Variants in MACROD2 observed in about 807,000 individuals in gnomAD.
MACROD2 encodes mono-ADP ribosylhydrolase 2, also known as ADP-ribose glycohydrolase MACROD2.
Under a neutral mutation model 70.4 loss-of-function variants are expected in MACROD2, and 36 were observed. The ratio of observed to expected loss-of-function variants is 0.51; its 90% CI spans 0.39 to 0.68. MACROD2 has a LOEUF of 0.68. Among genes scored for constraint, MACROD2 ranks in the 30% least tolerant of loss-of-function variants. The pLI is 0.00. For missense variants in MACROD2, 496 were observed against 538.4 expected (o/e 0.92, Z 0.78); for synonymous variants, 172 against 178.8 (o/e 0.96, Z 0.30).
At chr20:14,104,082 G>T (rs761467819) in intron 3 of MACROD2, among the ~76,000 whole-genome samples, 11 of 151,942 alleles carry the variant, frequency 7.2e-5, no homozygotes, top group Non-Finnish European at 1.5e-4. Flanking sequence ...TCTATGGAAA[G>T]GTTAAATTAA....
chr20:14,587,448 C>T (rs1440901937), intron 4 of MACROD2, among the ~76,000 whole-genome samples: 2 of 151,700 alleles, frequency 1.3e-5, no homozygotes, highest in Non-Finnish European at 3.0e-5. Context: ...AGCAGCATAT[C>T]ACTAAATAGG....
intron 5 of MACROD2, among the ~76,000 whole-genome samples, chr20:14,699,748 A>G (rs988776836): frequency 7.2e-5 from 11 of 152,132 alleles, no homozygotes; most frequent in Admixed American, 6.6e-4. Context: ...AACTTTTATC[A>G]CAGAACTTTA....
chr20:14,195,551 G>A (rs1027682604), intron 3 of MACROD2, among the ~76,000 whole-genome samples: 1 of 151,736 alleles, frequency 6.6e-6, no homozygotes, highest in African/African-American at 2.4e-5. Flanking sequence ...GGTCTGCCAC[G>A]CCCGCATCCT....
At chr20:16,035,713 CA>C (rs1456571474) in intron 15 of MACROD2, among the ~76,000 whole-genome samples, 1 of 151,970 alleles carries the variant, frequency 6.6e-6, no homozygotes, top group Non-Finnish European at 1.5e-5. Flanking sequence ...GGATTTAGAA[CA>C]GTTGTCTGTT....
intron 5 of MACROD2, among the ~76,000 whole-genome samples, chr20:14,964,530 G>A (rs758390330): frequency 1.3e-5 from 2 of 151,694 alleles, no homozygotes; most frequent in South Asian, 2.1e-4. Context: ...CCGAGATCGC[G>A]CCACTGCACT....
chr20:14,369,278 G>T (rs1234613551), intron 3 of MACROD2, among the ~76,000 whole-genome samples: 6 of 123,496 alleles, frequency 4.9e-5, no homozygotes, highest in African/African-American at 1.7e-4. Context: ...TTCCCATACA[G>T]GTTATAGCAA....
intron 5 of MACROD2, among the ~76,000 whole-genome samples, chr20:15,170,507 C>A (rs2076415411): frequency 6.6e-6 from 1 of 152,142 alleles, no homozygotes; most frequent in Admixed American, 6.5e-5. Context: ...TGGTAGTCAG[C>A]AGCCCTAGAG....
intron 8 of MACROD2, among the ~76,000 whole-genome samples, chr20:15,771,421 G>A (rs2051624359): frequency 6.6e-6 from 1 of 151,488 alleles, no homozygotes; most frequent in Admixed American, 6.6e-5. Flanking sequence ...GGGCTCAAGT[G>A]AACCTCCCAC....
chr20:14,675,274 G>A (rs2070845654), intron 4 of MACROD2, among the ~76,000 whole-genome samples: 2 of 152,144 alleles, frequency 1.3e-5, no homozygotes, highest in Admixed American at 1.3e-4. Context: ...AGGTTGAAAT[G>A]AAGGAAAAAA....
At chr20:15,981,046 C>T (rs1014937363) in intron 13 of MACROD2, among the ~76,000 whole-genome samples, 19 of 152,096 alleles carry the variant, frequency 1.2e-4, no homozygotes, top group African/African-American at 4.3e-4. Flanking sequence ...CTTCGTTTTC[C>T]GCAGGAAGCA....
At chr20:15,685,839 C>A (rs1022539125) in intron 8 of MACROD2, among the ~76,000 whole-genome samples, 1 of 152,098 alleles carries the variant, frequency 6.6e-6, no homozygotes, top group Non-Finnish European at 1.5e-5. Context: ...CTGCATGCAC[C>A]GACCTCATCA....
intron 5 of MACROD2, among the ~76,000 whole-genome samples, chr20:15,101,252 C>T (rs1288216223): frequency 6.6e-6 from 1 of 151,980 alleles, no homozygotes; most frequent in African/African-American, 2.4e-5. Flanking sequence ...AGTCTTCATC[C>T]ATGGAGACTG....
chr20:15,228,510 A>C (rs6043142), intron 5 of MACROD2, among the ~76,000 whole-genome samples: 4,131 of 103,688 alleles, frequency 0.04, 135 homozygotes, highest in Middle Eastern at 0.13. Flanking sequence ...TTTTTTTGAG[A>C]TGGAGTCTCA....
chr20:15,984,712 G>A (rs1479287785), intron 13 of MACROD2, among the ~76,000 whole-genome samples: 1 of 149,554 alleles, frequency 6.7e-6, no homozygotes, highest in Non-Finnish European at 1.5e-5. Flanking sequence ...AAGATTAGAA[G>A]TTACTATAAT....
At chr20:14,163,997 T>C (rs181368905) in intron 3 of MACROD2, among the ~76,000 whole-genome samples, 1 of 152,186 alleles carries the variant, frequency 6.6e-6, no homozygotes, top group East Asian at 1.9e-4. Context: ...CTTTTGGAGG[T>C]GGCATATTTC....
intron 5 of MACROD2, among the ~76,000 whole-genome samples, chr20:14,830,780 A>G (rs112955227): frequency 0.015 from 2,318 of 152,282 alleles, 59 homozygotes; most frequent in African/African-American, 0.053. Context: ...GTTTGTACTC[A>G]GGCACTTGAG....
At chr20:15,019,295 T>C (rs2075146409) in intron 5 of MACROD2, among the ~76,000 whole-genome samples, 1 of 152,234 alleles carries the variant, frequency 6.6e-6, no homozygotes, top group Non-Finnish European at 1.5e-5. Flanking sequence ...TTATATCATG[T>C]AGTCATTGAA....
intron 3 of MACROD2, among the ~76,000 whole-genome samples, chr20:14,485,507 C>T (rs746244224): frequency 7.1e-4 from 108 of 152,164 alleles, no homozygotes; most frequent in Admixed American, 4.8e-3. Flanking sequence ...CAGGATCATC[C>T]TGGCTAACAC....
At chr20:14,979,922 A>G (rs563311791) in intron 5 of MACROD2, among the ~76,000 whole-genome samples, 85 of 152,162 alleles carry the variant, frequency 5.6e-4, no homozygotes, top group South Asian at 1.7e-3. Context: ...AATCTATAAA[A>G]TAGGGATGAT....
Sources: allele counts gnomAD v4.1 joint callset (sites outside exome capture counted in the v4.1 genomes callset), GRCh38; gene constraint gnomAD v4.1.1; transcripts MANE v1.5; gene names NCBI Gene and HGNC (gene_info 2026-07-23, HGNC 2026-07-21).